GREM2: variants seen among roughly 807,000 people sequenced by gnomAD.
GREM2 encodes the protein gremlin 2, DAN family BMP antagonist.
In GREM2, 11 loss-of-function variants were observed where a neutral mutation model predicts 14.2. The observed-to-expected ratio is 0.78, with a 90% CI of 0.49 to 1.28. The LOEUF is 1.28. Ranked by LOEUF, GREM2 falls within the 50% of genes most tolerant of loss-of-function variation. The pLI is 0.00. For synonymous variants in GREM2, 98 were observed against 97.6 expected, an observed-to-expected ratio of 1.00 and a Z score of -0.02; for missense variants, 210 against 218.5, an observed-to-expected ratio of 0.96 and a Z score of 0.24.
intron 1 of GREM2, among the ~76,000 whole-genome samples, chr1:240,581,448 A>T (rs1313616561): frequency 1.3e-5 from 2 of 152,174 alleles, no homozygotes; most frequent in Non-Finnish European, 2.9e-5. Context: ...GTAAACGCTC[A>T]TAGATTGTAG....
At position 240,547,530 on chromosome 1, in the gene GREM2, T is replaced by TAGACAG. The variant is rs1261827538; in HGVS notation, c.-1-54055_-1-54054insCTGTCT. 5.3e-3 allele frequency among the ~76,000 whole-genome samples: 730 copies of TAGACAG among 137,248 alleles called. 20 individuals are homozygous for TAGACAG. In the East Asian group the frequency reaches 0.059, roughly 11 times the overall value. The allele number at this position is 137,248 out of a possible 152,430, so 90.0% of individuals were successfully genotyped here. A position where few individuals can be genotyped will look rare whatever the true frequency, so the allele number is the denominator to read the frequency against. On this transcript the variant is annotated intron_variant, in intron 1 of 1. Transcript: ENST00000318160. ...AAAAAAAAAAATATATATATATATATATATAGATAGATAGATAGATAGATA... is the reference window on the plus strand; with the variant it reads ...AAAAAAAAAAATATATATATATATATAGACAGATATAGATAGATAGATAGATAGATA...
At chr1:240,493,632 C>T (rs1482790112) in intron 1 of GREM2, among the ~76,000 whole-genome samples, 156 bp from the exon 2 acceptor site, 2 of 152,044 alleles carry the variant, frequency 1.3e-5, no homozygotes, top group Non-Finnish European at 1.5e-5. Context: ...ACTCTGGGAT[C>T]CTCCTGCCTC....
At chr1:240,533,999 A>G (rs1678418481) in intron 1 of GREM2, among the ~76,000 whole-genome samples, 1 of 152,198 alleles carries the variant, frequency 6.6e-6, no homozygotes, top group Non-Finnish European at 1.5e-5. Context: ...ATTTGTTGGA[A>G]AGGCAGAGTT....
At chr1:240,563,040 A>T (rs1013180626) in intron 1 of GREM2, among the ~76,000 whole-genome samples, 6 of 133,870 alleles carry the variant, frequency 4.5e-5, no homozygotes, top group Non-Finnish European at 9.2e-5. Flanking sequence ...ATGAGTGTGT[A>T]TGTGTGTATG....
intron 1 of GREM2, among the ~76,000 whole-genome samples, chr1:240,548,256 T>C (rs1252948645): frequency 2.0e-5 from 3 of 151,972 alleles, no homozygotes; most frequent in Non-Finnish European, 4.4e-5. Flanking sequence ...GCCTGGGCTA[T>C]AGAGTGAGAC....
intron 1 of GREM2, among the ~76,000 whole-genome samples, chr1:240,512,283 A>G (rs550224407): frequency 1.3e-5 from 2 of 152,340 alleles, no homozygotes; most frequent in East Asian, 1.9e-4. Context: ...AGTGTGTTAA[A>G]TAAATATCTA....
At chr1:240,515,320 C>T (rs1677929309) in intron 1 of GREM2, among the ~76,000 whole-genome samples, 1 of 152,200 alleles carries the variant, frequency 6.6e-6, no homozygotes, top group African/African-American at 2.4e-5. Flanking sequence ...TTCCTCCATT[C>T]ATAGTTTTGA....
rs568090924 is a variant in GREM2 at position 240,562,929 on chromosome 1, TGTGTGTGA to T, written c.-2+48947_-2+48954del. 5.5e-4 allele frequency among the ~76,000 whole-genome samples: 80 copies of T among 146,216 alleles called. 1 individual carries two copies. Among genetic ancestry groups the T allele is most frequent in the East Asian group, 1.8e-3 (9 of 5,044 alleles). On this transcript the variant is annotated intron_variant, in intron 1 of 1. Transcript: ENST00000318160. ...ATGTATGTCTGTGAGTGTATGTGTA[TGTGTGTGA>T]GTGTGTGAGTGTGTATGTGTGTGAG...
At chr1:240,575,480 C>G (rs1009470912) in intron 1 of GREM2, among the ~76,000 whole-genome samples, 8 of 151,968 alleles carry the variant, frequency 5.3e-5, no homozygotes, top group African/African-American at 1.9e-4. Flanking sequence ...GTTGTTCATT[C>G]CAAATACCAC....
chr1:240,588,919 C>T (rs1679651933), intron 1 of GREM2: 1 of 151,972 alleles, frequency 6.6e-6, no homozygotes, highest in East Asian at 1.9e-4. Context: ...CAAGACCAGC[C>T]TGGGCAACAT....
intron 1 of GREM2, among the ~76,000 whole-genome samples, chr1:240,563,104 T>C (rs1429113632): frequency 6.6e-6 from 1 of 151,332 alleles, no homozygotes; most frequent in Non-Finnish European, 1.5e-5. Flanking sequence ...CGTGTATGTG[T>C]GTATGTGTGT....
At chr1:240,523,026 T>C (rs1678137574) in intron 1 of GREM2, among the ~76,000 whole-genome samples, 1 of 152,220 alleles carries the variant, frequency 6.6e-6, no homozygotes, top group African/African-American at 2.4e-5. Flanking sequence ...AATTCAACAA[T>C]TACAAAATGG....
intron 1 of GREM2, among the ~76,000 whole-genome samples, chr1:240,565,968 T>G (rs1679172480): frequency 6.6e-6 from 1 of 152,092 alleles, no homozygotes; most frequent in African/African-American, 2.4e-5. Context: ...AAGAGACCCC[T>G]GCATGGTCAT....
At chr1:240,531,064 G>C (rs1246652077) in intron 1 of GREM2, among the ~76,000 whole-genome samples, 2 of 152,046 alleles carry the variant, frequency 1.3e-5, no homozygotes, top group East Asian at 3.9e-4. Flanking sequence ...AATCAGATTT[G>C]GTCACAAATA....
At chr1:240,607,471 GTGTA>G (rs1476664569) in intron 1 of GREM2, among the ~76,000 whole-genome samples, 2 of 152,128 alleles carry the variant, frequency 1.3e-5, no homozygotes, top group African/African-American at 2.4e-5. Context: ...GACATTGTAA[GTGTA>G]TTTTCCATAC....
intron 1 of GREM2, among the ~76,000 whole-genome samples, chr1:240,529,073 C>T (rs1442859951): frequency 6.6e-5 from 10 of 152,104 alleles, no homozygotes. Flanking sequence ...ACCTTCTAGC[C>T]TTCATTCAGT....
intron 1 of GREM2, among the ~76,000 whole-genome samples, chr1:240,509,725 C>T (rs1677762617): frequency 6.6e-6 from 1 of 152,078 alleles, no homozygotes; most frequent in Admixed American, 6.6e-5. Context: ...CCATGAAGTT[C>T]GAATCTCTTT....
At chr1:240,531,541 G>A (rs1235599048) in intron 1 of GREM2, 17 of 628,632 alleles carry the variant, frequency 2.7e-5, no homozygotes, top group Middle Eastern at 7.9e-4. Flanking sequence ...TCTTTTCATT[G>A]GAAAAGAAAA....
At chr1:240,558,529 C>T (rs12097825) in intron 1 of GREM2, among the ~76,000 whole-genome samples, 3,442 of 151,840 alleles carry the variant, frequency 0.023, 111 homozygotes, top group East Asian at 0.1. Flanking sequence ...AAATGGCAGA[C>T]GGAGGAAGCT....
Sources: allele counts gnomAD v4.1 joint callset (sites outside exome capture counted in the v4.1 genomes callset), GRCh38; gene constraint gnomAD v4.1.1; transcripts MANE v1.5; gene names NCBI Gene and HGNC (gene_info 2026-07-23, HGNC 2026-07-21).